GALNTL5: variants seen among roughly 807,000 people sequenced by gnomAD.
GALNTL5 encodes inactive polypeptide N-acetylgalactosaminyltransferase-like protein 5.
GALNTL5 carries 44 observed loss-of-function variants against 51.0 expected under a neutral mutation model. The ratio of observed to expected loss-of-function variants is 0.86; its 90% confidence interval spans 0.68 to 1.11. GALNTL5 has a LOEUF of 1.11. Among genes scored for constraint, GALNTL5 ranks in the 50% least tolerant of loss-of-function variants. The pLI is 0.00. For synonymous variants in GALNTL5, 192 were observed against 182.8 expected (o/e 1.05, Z -0.41); for missense variants, 528 against 531.8 (o/e 0.99, Z 0.07).
chr7:152,016,139 C>T (rs1398886595), intron 8 of GALNTL5, among the ~76,000 whole-genome samples: 5 of 152,156 alleles, frequency 3.3e-5, no homozygotes, highest in African/African-American at 1.2e-4. Context: ...GGCACAGTGG[C>T]TCATGTCTCT....
At chr7:152,016,195 G>A (rs1292977758) in intron 8 of GALNTL5, among the ~76,000 whole-genome samples, 1 of 151,900 alleles carries the variant, frequency 6.6e-6, no homozygotes, top group African/African-American at 2.4e-5. Flanking sequence ...ACCTGAGGTT[G>A]GGAGTTCAAG....
intron 5 of GALNTL5, among the ~76,000 whole-genome samples, chr7:152,001,403 C>T (rs1403983654): frequency 6.6e-6 from 1 of 152,166 alleles, no homozygotes; most frequent in South Asian, 2.1e-4. Context: ...TAGCTCTTAC[C>T]TTAGGTCTAT....
intron 1 of GALNTL5, among the ~76,000 whole-genome samples, chr7:151,958,754 TC>T (rs1252051651): frequency 6.6e-6 from 1 of 152,060 alleles, no homozygotes; most frequent in Non-Finnish European, 1.5e-5. Context: ...ATTCGGTGGG[TC>T]CCAGGTCCTT....
At chr7:152,014,502 A>T in intron 7 of GALNTL5, 142 bp from the exon 8 acceptor site, 1 of 677,604 alleles carries the variant, frequency 1.5e-6, no homozygotes, top group Non-Finnish European at 2.4e-6. Context: ...TCCCTTCCTT[A>T]GGTGATCTGA....
intron 5 of GALNTL5, among the ~76,000 whole-genome samples, chr7:151,999,633 T>C (rs2081545938): frequency 6.6e-6 from 1 of 152,178 alleles, no homozygotes; most frequent in Non-Finnish European, 1.5e-5. Context: ...GTGTGCTTGC[T>C]AGCCATTCGT....
chr7:151,989,669 C>T (rs756505973), intron 5 of GALNTL5, among the ~76,000 whole-genome samples: 35 of 152,260 alleles, frequency 2.3e-4, no homozygotes, highest in Middle Eastern at 3.4e-3. Context: ...CCAAATTGTC[C>T]TTGAAAAGTT....
chr7:151,987,662 C>G (rs1224490482), intron 5 of GALNTL5, among the ~76,000 whole-genome samples: 1 of 152,038 alleles, frequency 6.6e-6, no homozygotes, highest in Non-Finnish European at 1.5e-5. Flanking sequence ...CCACGGGGAC[C>G]TCTGAAGCCA....
intron 2 of GALNTL5, among the ~76,000 whole-genome samples, chr7:151,968,414 T>C (rs1033731115): frequency 6.6e-6 from 1 of 152,218 alleles, no homozygotes; most frequent in Admixed American, 6.5e-5. Flanking sequence ...AGGCCTACTA[T>C]TTCTGTGGAT....
chr7:151,969,546 T>C (rs1213388856), intron 2 of GALNTL5, among the ~76,000 whole-genome samples: 1 of 151,964 alleles, frequency 6.6e-6, no homozygotes, highest in Non-Finnish European at 1.5e-5. Context: ...TATCCCCTAG[T>C]GCGCAGATCC....
At chr7:152,017,409 A>C (rs2081833252) in intron 8 of GALNTL5, among the ~76,000 whole-genome samples, 1 of 152,242 alleles carries the variant, frequency 6.6e-6, no homozygotes, top group Non-Finnish European at 1.5e-5. Context: ...GCGTTGACTG[A>C]AACTTCATCA....
intron 1 of GALNTL5, among the ~76,000 whole-genome samples, chr7:151,961,024 G>A (rs1022978385): frequency 2.0e-5 from 3 of 152,176 alleles, no homozygotes; most frequent in African/African-American, 7.2e-5. Flanking sequence ...ACATGCCTAA[G>A]GTCAAAACCG....
chr7:151,963,422 G>T (rs1195882366), intron 1 of GALNTL5, among the ~76,000 whole-genome samples: 1 of 152,194 alleles, frequency 6.6e-6, no homozygotes, highest in East Asian at 1.9e-4. Flanking sequence ...TTTTGAGACG[G>T]AGTCTCACTG....
At chr7:151,967,080 TTATGTA>T in intron 1 of GALNTL5, 122 bp from the exon 2 acceptor site, 6 of 588,862 alleles carry the variant, frequency 1.0e-5, no homozygotes, top group Non-Finnish European at 1.8e-5. Context: ...AGGACACACT[TTATGTA>T]TATGATAAGG....
chr7:151,964,980 T>C (rs1053775127), intron 1 of GALNTL5, among the ~76,000 whole-genome samples: 2 of 152,168 alleles, frequency 1.3e-5, no homozygotes, highest in African/African-American at 2.4e-5. Context: ...ATATTCTAAG[T>C]GACACTCTTG....
At chr7:151,963,934 C>G (rs2081025100) in intron 1 of GALNTL5, among the ~76,000 whole-genome samples, 2 of 152,190 alleles carry the variant, frequency 1.3e-5, no homozygotes, top group African/African-American at 4.8e-5. Context: ...CCTCAAATGT[C>G]TCAGGCAATC....
At position 151,961,338 on chromosome 7, in the gene GALNTL5, C is replaced by CA. The variant is rs35782745; in HGVS notation, c.-40+4740dup. On this transcript the variant is annotated intron_variant, in intron 1 of 8. Transcript: ENST00000392800. ...GTAACATGGCAAAACGCCAACTCTACAAAAAAAAAAATACAAAAACTAGCC... is the reference window on the plus strand; with the variant it reads ...GTAACATGGCAAAACGCCAACTCTACAAAAAAAAAAAATACAAAAACTAGCC... Among the ~76,000 whole-genome samples, 105 of 147,076 alleles carry CA rather than the reference C, an allele frequency of 7.1e-4. No individual in the cohort carries two copies. The Middle Eastern group carries it at 0.01, about 14-fold the overall frequency.
At chr7:151,970,343 A>G (rs558498065) in intron 2 of GALNTL5, among the ~76,000 whole-genome samples, 36 of 152,320 alleles carry the variant, frequency 2.4e-4, no homozygotes, top group African/African-American at 7.9e-4. Flanking sequence ...GATAATCCAG[A>G]TGATCCAACA....
At chr7:151,969,639 A>G (rs10273274) in intron 2 of GALNTL5, among the ~76,000 whole-genome samples, 4,955 of 152,108 alleles carry the variant, frequency 0.033, 264 homozygotes, top group African/African-American at 0.11. Context: ...AGGGGCTTCA[A>G]GTATGTTCTT....
In GALNTL5 at chr7:152,013,871, T is replaced by C. The variant is rs142108841; in HGVS notation, c.1027-773T>C. The stretch of plus-strand genomic sequence containing the variant: ...TTTTCTTCTGTGTGCTTTCCTGCAT[T>C]TGCCAAATTTTCAATGGTTATATTT... On this transcript the variant is annotated intron_variant, in intron 7 of 8. Transcript: ENST00000392800. 1.3e-4 allele frequency among the ~76,000 whole-genome samples: 20 copies of C among 152,338 alleles called. No individual in the cohort carries two copies. The East Asian group carries it at 3.8e-3, about 29-fold the overall frequency.
Sources: allele counts gnomAD v4.1 joint callset (sites outside exome capture counted in the v4.1 genomes callset), GRCh38; gene constraint gnomAD v4.1.1; transcripts MANE v1.5; gene names NCBI Gene and HGNC (gene_info 2026-07-23, HGNC 2026-07-21).